MYH2: variants seen among roughly 807,000 people sequenced by gnomAD.
MYH2 encodes the protein myosin-2.
A neutral mutation model predicts 228.1 loss-of-function variants in MYH2; 139 were observed. That is an observed-to-expected ratio of 0.61 (90% CI 0.53 to 0.70). The LOEUF is 0.70. MYH2 is among the 30% of genes least tolerant of loss of function. MYH2 has a pLI of 0.00. For synonymous variants in MYH2, 796 were observed against 871.1 expected, an observed-to-expected ratio of 0.91 and a Z score of 1.52; for missense variants, 1,809 against 2,357.5, an observed-to-expected ratio of 0.77 and a Z score of 4.82.
chr17:10,543,617 A>G, intron 8 of MYH2, 94 bp downstream of exon 8: 1 of 1,522,180 alleles, frequency 6.6e-7, no homozygotes. Context: ...GATGTAATAG[A>G]ATGGGAATGA....
chr17:10,536,427 G>A, intron 17 of MYH2, 103 bp downstream of exon 17: 1 of 945,486 alleles, frequency 1.1e-6, no homozygotes, highest in East Asian at 2.6e-5. Flanking sequence ...TATATGAATA[G>A]ATAAATATAT....
At chr17:10,540,169 T>G in intron 11 of MYH2, 103 bp from the exon 12 acceptor site, 1 of 1,505,542 alleles carries the variant, frequency 6.6e-7, no homozygotes, top group South Asian at 1.1e-5. Flanking sequence ...CCAGTGCTAA[T>G]GGGAGACAAG....
intron 27 of MYH2, among the ~76,000 whole-genome samples, 177 bp from the exon 28 acceptor site, chr17:10,528,051 T>C (rs1004351556): frequency 8.1e-5 from 12 of 148,610 alleles, no homozygotes; most frequent in African/African-American, 2.7e-4. Flanking sequence ...TTCTTTCTTT[T>C]TTTTTTTTTT....
At chr17:10,548,775 T>C (rs1477600844) in intron 2 of MYH2, among the ~76,000 whole-genome samples, 3 of 152,196 alleles carry the variant, frequency 2.0e-5, no homozygotes, top group Non-Finnish European at 4.4e-5. Flanking sequence ...AGGTTGCCAG[T>C]GGTATCAGTA....
chr17:10,534,986 G>C, intron 19 of MYH2, 87 bp downstream of exon 19: 1 of 1,402,820 alleles, frequency 7.1e-7, no homozygotes, highest in East Asian at 2.3e-5. Context: ...CTAACAAGTA[G>C]AGGCATATGT....
intron 4 of MYH2, 101 bp downstream of exon 4, chr17:10,547,374 G>T: frequency 6.9e-7 from 1 of 1,443,052 alleles, no homozygotes; most frequent in Non-Finnish European, 9.8e-7. Flanking sequence ...CAATGAAAGT[G>T]AAATGGGTCA....
At chr17:10,540,501 C>A in intron 11 of MYH2, 93 bp downstream of exon 11, 3 of 1,117,674 alleles carry the variant, frequency 2.7e-6, no homozygotes, top group Non-Finnish European at 4.0e-6. Flanking sequence ...CTGGAATCTT[C>A]TTTTGCCATT....
chr17:10,537,781 A>G lies in MYH2; in HGVS notation c.1471T>C (p.Phe491Leu). The G allele has an allele frequency of 1.9e-6, 3 of 1,614,012 alleles. No homozygotes were observed. Among genetic ancestry groups the G allele is most frequent in the Non-Finnish European group, 2.5e-6 (3 of 1,180,002 alleles). Reference protein sequence around the residue: ...INFTNEKLQQFFNHHMFVLEQ... With the variant: ...INFTNEKLQQLFNHHMFVLEQ... The stretch of plus-strand genomic sequence containing the variant: ...AGCACGAACATGTGGTGGTTGAAAA[A>G]CTGTTGCAGTTTCTCATTGGTGAAG... Residue 491 changes from phenylalanine to leucine, a missense_variant, in exon 15 of 40, where the codon TTT (phenylalanine) becomes CTT (leucine). Phe to Leu is a conservative substitution (Grantham distance 22). Coordinates refer to ENST00000245503, the MANE Select transcript of MYH2 (RefSeq NM_017534.6). The surrounding 1 kb of genome is among the most constrained non-coding windows in gnomAD (Gnocchi z 4.0).
intron 11 of MYH2, among the ~76,000 whole-genome samples, 156 bp from the exon 12 acceptor site, chr17:10,540,222 G>A (rs2073534054): frequency 1.3e-5 from 2 of 152,032 alleles, no homozygotes; most frequent in Admixed American, 6.6e-5. Flanking sequence ...TCAACCAAAG[G>A]CCAGCACAGA....
chr17:10,525,565 C>T lies in MYH2; in HGVS notation c.4423G>A (p.Ala1475Thr). The change falls in exon 32 of 40, where the codon GCC (alanine) becomes ACC (threonine). Residue 1475 changes from alanine (A) to threonine (T), a missense_variant. This residue lies in a region of MYH2 where 636 missense variants were observed against 729.9 expected (regional missense o/e 0.87). Coordinates refer to ENST00000245503, the MANE Select transcript of MYH2 (RefSeq NM_017534.6). The surrounding 1 kb of genome is among the most constrained non-coding windows in gnomAD (Gnocchi z 4.2). ...AGGGAACGGGCCTCCTTCTGGGAGG[C>T]CTCAAGCTCAGCATGCGTTTCCTCA... Reference protein sequence around the residue: ...KCEETHAELEASQKEARSLGT... With the variant: ...KCEETHAELETSQKEARSLGT... The T allele has an allele frequency of 6.2e-7, 1 of 1,614,076 alleles. No homozygotes were observed. The highest frequency in any genetic ancestry group is 1.1e-5 in the South Asian group (1 of 91,066).
chr17:10,535,589 C>T (rs1179891317), intron 17 of MYH2, among the ~76,000 whole-genome samples: 1 of 152,190 alleles, frequency 6.6e-6, no homozygotes, highest in Non-Finnish European at 1.5e-5. Flanking sequence ...GGAAAGCATC[C>T]TGGCATGTGC....
chr17:10,545,635 GCT>G, intron 4 of MYH2, 133 bp from the exon 5 acceptor site: 1 of 1,217,900 alleles, frequency 8.2e-7, no homozygotes, highest in Non-Finnish European at 1.2e-6. Flanking sequence ...TGCTACCTCA[GCT>G]CACTGCAGCC....
rs2073503408 is a variant in MYH2, at chr17:10,537,998, G to A, written c.1417-163C>T. The stretch of plus-strand genomic sequence containing the variant: ...GAAATAAAAGGTGAAAAGTATGGAA[G>A]GTTTGAGGGCATGTGGAAGCTACTA... On this transcript the variant is annotated intron_variant, in intron 14 of 39. Transcript: ENST00000245503. This position sits in a 1 kb window ranked among gnomAD's most constrained non-coding sequence, Gnocchi z 4.0. 1.5e-6 allele frequency: 2 copies of A among 1,319,044 alleles called. No homozygotes were observed. The highest frequency in any genetic ancestry group is 1.0e-6 in the Non-Finnish European group (1 of 972,308). The allele number at this position is 1,319,044 out of a possible 1,614,324, so 81.7% of individuals were successfully genotyped here.
intron 18 of MYH2, 24 bp from the exon 19 acceptor site, chr17:10,535,214 T>A (rs1360207320): frequency 1.1e-5 from 17 of 1,613,890 alleles, no homozygotes; most frequent in Non-Finnish European, 1.0e-5. Context: ...TTTATTTCAC[T>A]GCAGAGCTGT....
Position 10,521,246 on chromosome 17 carries a change from CT to C in MYH2, c.*33del, listed in dbSNP as rs756756900. The C allele has an allele frequency of 6.2e-7, 1 of 1,611,358 alleles. No homozygotes were observed. The highest frequency in any genetic ancestry group is 2.2e-5 in the East Asian group (1 of 44,860). On this transcript the variant is annotated 3_prime_UTR_variant, in exon 40 of 40. Transcript: ENST00000245503. ...TGACCAAAGATGTCACATTTTGTGC[CT>C]GTCTTCAGTCATTCCATGGCATCAG...
rs747036162 is a variant in MYH2, at chr17:10,529,194, T to C, written c.3322A>G (p.Ile1108Val). 1.2e-6 allele frequency: 2 copies of C among 1,614,264 alleles called. No individual in the cohort carries two copies. The highest frequency in any genetic ancestry group is 2.2e-5 in the East Asian group (1 of 44,886). Reference sequence around the variant, plus strand: ...TCTTTAATTTTCTTCTGCAATTGAATGCCAAGTGCCTGTTCATCTTCAATC... The same window carrying C: ...TCTTTAATTTTCTTCTGCAATTGAACGCCAAGTGCCTGTTCATCTTCAATC... ...SKIEDEQALG[I>V]QLQKKIKELQ... The change falls in exon 26 of 40, where the codon ATT becomes GTT. Residue 1108 changes from isoleucine to valine, a missense_variant. By Grantham distance (29) the Ile-to-Val change is conservative (BLOSUM62 3). This residue lies in a region of MYH2 where 636 missense variants were observed against 729.9 expected (regional missense o/e 0.87). Transcript: ENST00000245503.
At chr17:10,539,612 A>T in intron 12 of MYH2, 50 bp from the exon 13 acceptor site, 11 of 1,521,448 alleles carry the variant, frequency 7.2e-6, no homozygotes, top group Non-Finnish European at 1.0e-5. Context: ...AAAGAAACCC[A>T]CTTCCTTAAA....
chr17:10,541,671 T>C (rs2073556802), intron 10 of MYH2, among the ~76,000 whole-genome samples: 1 of 152,168 alleles, frequency 6.6e-6, no homozygotes, highest in Non-Finnish European at 1.5e-5. Flanking sequence ...AAATCACTAA[T>C]AAAAACTTGC....
At chr17:10,528,642 G>A (rs748492371) in intron 27 of MYH2, 48 bp downstream of exon 27, 1 of 1,613,352 alleles carries the variant, frequency 6.2e-7, no homozygotes, top group South Asian at 1.1e-5. Context: ...ACTATGATGT[G>A]TCCATAATGC....
Sources: gnomAD v4.1 joint callset for allele counts (sites outside exome capture counted in the v4.1 genomes callset) on GRCh38, gnomAD v4.1.1 for gene constraint, gnomAD v4.1.1 regional missense constraint, Gnocchi (gnomAD v3.1) non-coding constraint, MANE v1.5 for transcripts, NCBI Gene and HGNC (gene_info 2026-07-23, HGNC 2026-07-21) for gene names.